Variants in ZNF366 observed in about 807,000 individuals in gnomAD.
ZNF366 encodes the protein zinc finger protein 366, also known as dendritic cell-specific transcript protein.
A neutral mutation model predicts 47.2 loss-of-function variants in ZNF366; 20 were observed. That is an observed-to-expected ratio of 0.42 (90% CI 0.30 to 0.62). The LOEUF (loss-of-function observed/expected upper bound fraction) is 0.62, where lower values mean the gene tolerates loss of function less well. ZNF366 is among the 20% of genes least tolerant of loss of function. ZNF366 has a pLI of 0.16. For missense variants in ZNF366, 987 were observed against 976.3 expected, an observed-to-expected ratio of 1.01 and a Z score of -0.15; for synonymous variants, 421 against 395.1, an observed-to-expected ratio of 1.07 and a Z score of -0.78.
intron 1 of ZNF366, chr5:72,493,469 G>A (rs1744052918): frequency 6.6e-6 from 1 of 152,138 alleles, no homozygotes; most frequent in Non-Finnish European, 1.5e-5. Context: ...TAACAATGAT[G>A]ATCAATACTT....
intron 4 of ZNF366, among the ~76,000 whole-genome samples, chr5:72,444,656 A>G (rs562441012): frequency 6.6e-6 from 1 of 152,318 alleles, no homozygotes; most frequent in East Asian, 1.9e-4. Flanking sequence ...TGTATTTAAT[A>G]ATAGGAGTTT....
intron 1 of ZNF366, among the ~76,000 whole-genome samples, chr5:72,464,192 A>C (rs1743387691): frequency 6.6e-6 from 1 of 152,204 alleles, no homozygotes; most frequent in South Asian, 2.1e-4. Flanking sequence ...ACCTGGGCCA[A>C]AACGTACTGA....
chr5:72,473,732 C>T (rs149418802), intron 1 of ZNF366, among the ~76,000 whole-genome samples: 46 of 152,282 alleles, frequency 3.0e-4, no homozygotes, highest in African/African-American at 8.4e-4. Context: ...CACTGATCCC[C>T]GGGTTAAATG....
chr5:72,503,556 C>G (rs1455075820), intron 1 of ZNF366, among the ~76,000 whole-genome samples: 1 of 151,636 alleles, frequency 6.6e-6, no homozygotes, highest in Non-Finnish European at 1.5e-5. Flanking sequence ...CACACACACA[C>G]GCACACCTCG....
In ZNF366 at chr5:72,460,633, C is replaced by T; in HGVS notation, c.864G>A (p.Lys288=). The T allele has an allele frequency of 6.2e-7, 1 of 1,614,206 alleles. No homozygotes were observed. The highest frequency in any genetic ancestry group is 1.7e-5 in the Admixed American group (1 of 60,032). Residue 288 remains lysine (K), a synonymous_variant, in exon 2 of 5, where the codon AAG becomes AAA. Transcript: ENST00000318442. ...IKPHACTHCG[K]LFKQLSHLHT... is the part of the protein sequence containing the mutation. ...GCAGGTGGCTGAGCTGCTTGAAGAG[C>T]TTCCCGCAGTGCGTGCACGCGTGCG... is the stretch of plus-strand genomic sequence containing the variant.
At chr5:72,490,690 G>A (rs1262489591) in intron 1 of ZNF366, among the ~76,000 whole-genome samples, 1 of 152,174 alleles carries the variant, frequency 6.6e-6, no homozygotes, top group Admixed American at 6.5e-5. Context: ...ACTGTTGTGT[G>A]CTTTGCAGAA....
chr5:72,496,609 C>T (rs778268368), intron 1 of ZNF366, among the ~76,000 whole-genome samples: 4 of 152,104 alleles, frequency 2.6e-5, no homozygotes, highest in African/African-American at 9.7e-5. Flanking sequence ...GCGTGCAAGT[C>T]TTCATGGGAA....
rs1742852644 is a variant in ZNF366 at position 72,441,470 on chromosome 5, T to C, written c.*2286A>G. ...CCCTCTGAGGACTTGGAATGGGTTT[T>C]TGACCCAGAGTTGTGCTTGTAACCA... On this transcript the variant is annotated 3_prime_UTR_variant, in exon 5 of 5. Transcript: ENST00000318442. The C allele has an allele frequency of 6.6e-6, 1 of 152,280 alleles. No homozygotes were observed. Among genetic ancestry groups the C allele is most frequent in the Admixed American group, 6.5e-5 (1 of 15,290 alleles). 9.4% of individuals were successfully genotyped at this position (152,280 alleles called of 1,614,324 possible).
At position 72,456,544 on chromosome 5, in the gene ZNF366, C is replaced by T; in HGVS notation, c.1384G>A (p.Ala462Thr). ...GICGREFTLLANMKRHVLIHT... is the reference protein window; with the variant it reads ...GICGREFTLLTNMKRHVLIHT... ...ATCAGCACGTGTCGCTTCATGTTGG[C>T]CAGCAGGGTGAACTCCCGCCCACAA... Residue 462 changes from alanine to threonine, a missense_variant, in exon 3 of 5, where the codon GCC (alanine) becomes ACC (threonine). Around this residue, in one of 3 missense-constraint regions of ZNF366, gnomAD observed 111 missense variants for 180.5 expected, o/e 0.61. Coordinates refer to ENST00000318442, the MANE Select transcript of ZNF366 (RefSeq NM_152625.3). 6.2e-7 allele frequency: 1 copy of T among 1,612,256 alleles called. No homozygotes were observed. The highest frequency in any genetic ancestry group is 8.5e-7 in the Non-Finnish European group (1 of 1,178,704).
intron 1 of ZNF366, among the ~76,000 whole-genome samples, chr5:72,470,346 G>A (rs922893518): frequency 1.3e-5 from 2 of 152,208 alleles, no homozygotes; most frequent in Non-Finnish European, 1.5e-5. Context: ...TTCATTGGCT[G>A]TATCCGCCAT....
intron 1 of ZNF366, among the ~76,000 whole-genome samples, chr5:72,487,425 G>C (rs1041410764): frequency 6.6e-6 from 1 of 152,114 alleles, no homozygotes; most frequent in African/African-American, 2.4e-5. Flanking sequence ...AAAAAATGTG[G>C]TTCCCTAACA....
Position 72,507,396 on chromosome 5 carries a change from T to A in ZNF366, c.-160A>T. 1.0e-6 allele frequency: 1 copy of A among 985,392 alleles called. No homozygotes were observed. Among genetic ancestry groups the A allele is most frequent in the South Asian group, 4.7e-5 (1 of 21,286 alleles). 61.0% of individuals were successfully genotyped at this position (985,392 alleles called of 1,614,324 possible). A position where few individuals can be genotyped will look rare whatever the true frequency, so the allele number is the denominator to read the frequency against. On this transcript the variant is annotated 5_prime_UTR_variant, in exon 1 of 5. Coordinates refer to ENST00000318442, the MANE Select transcript of ZNF366 (RefSeq NM_152625.3). ...GAACTCGCAGGGACAGTGTTTCGAA[T>A]GACTTAAGAAAGAGAACAGGAACAA...
At chr5:72,498,988 G>T (rs1744161567) in intron 1 of ZNF366, among the ~76,000 whole-genome samples, 2 of 152,196 alleles carry the variant, frequency 1.3e-5, no homozygotes, top group South Asian at 4.1e-4. Flanking sequence ...GACTCAAGGG[G>T]GAAAAGAGTC....
intron 1 of ZNF366, among the ~76,000 whole-genome samples, chr5:72,471,401 T>C (rs1743559812): frequency 6.6e-6 from 1 of 152,228 alleles, no homozygotes; most frequent in Admixed American, 6.5e-5. Context: ...TTATAAAATA[T>C]ACATACTGAT....
chr5:72,495,362 A>T (rs1744092884), intron 1 of ZNF366, among the ~76,000 whole-genome samples: 1 of 152,222 alleles, frequency 6.6e-6, no homozygotes, highest in African/African-American at 2.4e-5. Context: ...CCTGTCATAC[A>T]GATGAAGAAA....
intron 1 of ZNF366, among the ~76,000 whole-genome samples, chr5:72,472,744 C>G (rs111551076): frequency 5.1e-4 from 77 of 152,302 alleles, no homozygotes; most frequent in African/African-American, 1.8e-3. Flanking sequence ...GGCACTCTGG[C>G]GTGTCAAGGG....
intron 1 of ZNF366, among the ~76,000 whole-genome samples, chr5:72,497,000 A>G (rs1001859543): frequency 1.1e-4 from 17 of 152,208 alleles, no homozygotes; most frequent in Admixed American, 5.2e-4. Context: ...GTTTTAAAAT[A>G]TGTATAAAAC....
chr5:72,445,339 G>A (rs1203268179), intron 4 of ZNF366, among the ~76,000 whole-genome samples: 3 of 147,156 alleles, frequency 2.0e-5, no homozygotes, highest in Non-Finnish European at 4.5e-5. Context: ...GGGTCCTGGG[G>A]TGCAGCCAGA....
At position 72,472,360 on chromosome 5, in the gene ZNF366, G is replaced by T. The variant is rs546404065; in HGVS notation, c.-14-10850C>A. Among the ~76,000 whole-genome samples, 7 of 152,158 alleles carry T rather than the reference G, an allele frequency of 4.6e-5. No homozygotes were observed. The South Asian group carries it at 6.2e-4, about 14-fold the overall frequency. On this transcript the variant is annotated intron_variant, in intron 1 of 4. Coordinates refer to ENST00000318442, the MANE Select transcript of ZNF366 (RefSeq NM_152625.3). ...TTTTCTTTCAAAATGTTCTTTTTTT[G>T]TGTGTTTTTATTTAATCATTAAAAT...
Sources: allele counts gnomAD v4.1 joint callset (sites outside exome capture counted in the v4.1 genomes callset), GRCh38; gene constraint gnomAD v4.1.1; regional missense constraint gnomAD v4.1.1; transcripts MANE v1.5; gene names NCBI Gene and HGNC (gene_info 2026-07-23, HGNC 2026-07-21).